TBC1D19: variants seen among roughly 807,000 people sequenced by gnomAD.
TBC1D19 encodes TBC1 domain family member 19, also known as TBC1 domain family, member 19.
In TBC1D19, 60 loss-of-function variants were observed where a neutral mutation model predicts 89.0. The ratio of observed to expected loss-of-function variants is 0.67; its 90% CI spans 0.55 to 0.84. The LOEUF (loss-of-function observed/expected upper bound fraction) is 0.84. Ranked by LOEUF, TBC1D19 falls within the 40% of genes least tolerant of loss-of-function variation. TBC1D19 has a pLI of 0.00. For synonymous variants in TBC1D19, 189 were observed against 199.7 expected, an observed-to-expected ratio of 0.95 and a Z score of 0.45; for missense variants, 500 against 610.8, an observed-to-expected ratio of 0.82 and a Z score of 1.91.
chr4:26,800,540 CA>C, the TBC1D19 span, among the ~76,000 whole-genome samples: 3 of 152,156 alleles, frequency 2.0e-5, no homozygotes, highest in Non-Finnish European at 4.4e-5. Context: ...ATGGCTGGGT[CA>C]AATGGTATTT....
intron 1 of TBC1D19, among the ~76,000 whole-genome samples, chr4:26,589,003 C>T (rs1420854469): frequency 6.6e-6 from 1 of 152,082 alleles, no homozygotes; most frequent in African/African-American, 2.4e-5. Flanking sequence ...ATATCACAGG[C>T]TTCAGATTCC....
chr4:26,579,908 C>A (rs1444437680), upstream of TBC1D19, among the ~76,000 whole-genome samples: 1 of 152,098 alleles, frequency 6.6e-6, no homozygotes, highest in Non-Finnish European at 1.5e-5. Context: ...GAGGGAAAGT[C>A]AATACGCTAA....
chr4:26,641,649 C>T (rs1020165339), intron 7 of TBC1D19, among the ~76,000 whole-genome samples: 20 of 151,998 alleles, frequency 1.3e-4, no homozygotes, highest in Non-Finnish European at 1.9e-4. Flanking sequence ...GAAGGATGTT[C>T]GAACCCATCA....
At chr4:26,695,781 TA>T (rs1413008540) in intron 13 of TBC1D19, among the ~76,000 whole-genome samples, 4 of 152,058 alleles carry the variant, frequency 2.6e-5, no homozygotes, top group Non-Finnish European at 5.9e-5. Context: ...GAAGGAGAAA[TA>T]AAATCCTTTA....
chr4:26,619,631 G>T (rs1741911837), intron 3 of TBC1D19, among the ~76,000 whole-genome samples: 1 of 152,138 alleles, frequency 6.6e-6, no homozygotes, highest in South Asian at 2.1e-4. Context: ...AAATATCAAG[G>T]TATCTAGAGA....
At chr4:26,577,789 C>T (rs1739003455) in intron 1 of TBC1D19, among the ~76,000 whole-genome samples, 2 of 152,080 alleles carry the variant, frequency 1.3e-5, no homozygotes, top group Admixed American at 6.5e-5. Flanking sequence ...CAGCTGTATG[C>T]CCGGAGTGTA....
At chr4:26,671,710 GT>G (rs1291766485) in intron 9 of TBC1D19, among the ~76,000 whole-genome samples, 1 of 151,720 alleles carries the variant, frequency 6.6e-6, no homozygotes, top group Non-Finnish European at 1.5e-5. Flanking sequence ...TGGAAGTAGG[GT>G]TTTGTAAATG....
chr4:26,736,399 T>G (rs1718047876), intron 16 of TBC1D19, among the ~76,000 whole-genome samples: 5 of 119,924 alleles, frequency 4.2e-5, no homozygotes, highest in South Asian at 3.2e-4. Context: ...TGTTGTGGGG[T>G]TGGGGGAGGG....
intron 7 of TBC1D19, among the ~76,000 whole-genome samples, chr4:26,653,311 G>A (rs774542868): frequency 6.6e-6 from 1 of 152,190 alleles, no homozygotes; most frequent in East Asian, 1.9e-4. Flanking sequence ...TTTGAAATAA[G>A]TGCGATGTGG....
intron 1 of TBC1D19, among the ~76,000 whole-genome samples, chr4:26,589,602 C>G (rs1021846558): frequency 1.3e-5 from 2 of 152,178 alleles, no homozygotes; most frequent in African/African-American, 4.8e-5. Flanking sequence ...CCTTTGGCAG[C>G]CCAGTTCTGC....
the TBC1D19 span, among the ~76,000 whole-genome samples, chr4:26,838,825 T>A: frequency 6.6e-6 from 1 of 152,216 alleles, no homozygotes; most frequent in Non-Finnish European, 1.5e-5. Flanking sequence ...TTCTGGTAAG[T>A]TCCACTTTTG....
chr4:26,659,773 A>G (rs1745105214), intron 8 of TBC1D19, 66 bp downstream of exon 8: 2 of 1,013,428 alleles, frequency 2.0e-6, no homozygotes, highest in South Asian at 3.5e-5. Flanking sequence ...GTTTTAATAC[A>G]GCATGTATGT....
At chr4:26,725,804 G>T (rs1441399056) in intron 15 of TBC1D19, among the ~76,000 whole-genome samples, 1 of 152,144 alleles carries the variant, frequency 6.6e-6, no homozygotes, top group Non-Finnish European at 1.5e-5. Flanking sequence ...GACCTTAATA[G>T]TTTTGGTGAT....
At chr4:26,708,293 A>G (rs1715890503) in intron 13 of TBC1D19, among the ~76,000 whole-genome samples, 2 of 152,024 alleles carry the variant, frequency 1.3e-5, no homozygotes, top group Non-Finnish European at 2.9e-5. Context: ...ATGTCAGCCC[A>G]TTGCTTGTGG....
At chr4:26,636,503 A>AG (rs535215342) in intron 4 of TBC1D19, among the ~76,000 whole-genome samples, 286 of 150,904 alleles carry the variant, frequency 1.9e-3, no homozygotes, top group African/African-American at 6.6e-3. Context: ...AAAAAAAAAA[A>AG]AAGAAGAATA....
the TBC1D19 span, among the ~76,000 whole-genome samples, chr4:26,848,967 T>C: frequency 6.6e-6 from 1 of 152,036 alleles, no homozygotes. Context: ...CTGAGGTAGG[T>C]AGATTGCTTG....
At chr4:26,677,974 A>G (rs1272291329) in intron 11 of TBC1D19, among the ~76,000 whole-genome samples, 2 of 152,172 alleles carry the variant, frequency 1.3e-5, no homozygotes, top group Non-Finnish European at 2.9e-5. Flanking sequence ...TCATATAGTA[A>G]ATTGGTACTG....
chr4:26,791,278 G>A, the TBC1D19 span, among the ~76,000 whole-genome samples: 10 of 152,244 alleles, frequency 6.6e-5, no homozygotes, highest in Admixed American at 4.6e-4. Context: ...TCATTGATTC[G>A]ATTCATTCAA....
At chr4:26,757,324 C>G (rs1401830357), downstream of TBC1D19, among the ~76,000 whole-genome samples, 1 of 152,096 alleles carries the variant, frequency 6.6e-6, no homozygotes. Flanking sequence ...CTGTCCGCTC[C>G]ATCTTTAACC....
Sources: gnomAD v4.1 joint callset for allele counts (sites outside exome capture counted in the v4.1 genomes callset) on GRCh38, gnomAD v4.1.1 for gene constraint, MANE v1.5 for transcripts, NCBI Gene and HGNC (gene_info 2026-07-23, HGNC 2026-07-21) for gene names.